Variants in NSG2 observed in about 807,000 individuals in gnomAD.
NSG2 encodes the protein neuronal vesicle trafficking-associated protein 2.
Under a neutral mutation model 16.9 loss-of-function variants are expected in NSG2, and 4 were observed. The observed-to-expected ratio is 0.24, with a 90% CI of 0.12 to 0.54. The LOEUF (loss-of-function observed/expected upper bound fraction) is 0.54. Among genes scored for constraint, NSG2 ranks in the 20% least tolerant of loss-of-function variants. The pLI is 0.95. For missense variants in NSG2, 179 were observed against 221.1 expected (o/e 0.81, Z 1.21); for synonymous variants, 98 against 88.7 (o/e 1.11, Z -0.59).
chr5:174,087,471 G>A (rs1760647123), intron 3 of NSG2, among the ~76,000 whole-genome samples: 1 of 152,122 alleles, frequency 6.6e-6, no homozygotes, highest in Non-Finnish European at 1.5e-5. Context: ...TATAGAGTTG[G>A]TTTTAAAAAT....
chr5:174,091,593 G>A (rs1307182676), intron 3 of NSG2, among the ~76,000 whole-genome samples: 1 of 152,014 alleles, frequency 6.6e-6, no homozygotes, highest in Non-Finnish European at 1.5e-5. Flanking sequence ...GTGGGAGGCC[G>A]TGGGAGGCAT....
intron 2 of NSG2, chr5:174,055,925 C>G (rs66567468): frequency 0.14 from 21,351 of 152,230 alleles, 2,100 homozygotes; most frequent in African/African-American, 0.27. Flanking sequence ...CCTGTGTTCA[C>G]GGCCCAATAC....
At chr5:174,065,703 T>C (rs2113436908) in intron 3 of NSG2, among the ~76,000 whole-genome samples, 1 of 152,202 alleles carries the variant, frequency 6.6e-6, no homozygotes, top group East Asian at 1.9e-4. Flanking sequence ...CTAAAATATT[T>C]AGGAGGCAAA....
At chr5:174,078,088 A>G (rs1581229381) in intron 3 of NSG2, among the ~76,000 whole-genome samples, 1 of 152,158 alleles carries the variant, frequency 6.6e-6, no homozygotes, top group South Asian at 2.1e-4. Context: ...TTTCTATCAC[A>G]CTAGCCACAT....
At chr5:174,100,903 G>C (rs1460769903) in intron 3 of NSG2, among the ~76,000 whole-genome samples, 1 of 152,228 alleles carries the variant, frequency 6.6e-6, no homozygotes, top group Admixed American at 6.5e-5. Flanking sequence ...GGGAGGTCTT[G>C]CCCAGCTCCT....
chr5:174,092,429 C>A (rs1310539087), intron 3 of NSG2, among the ~76,000 whole-genome samples: 1 of 152,218 alleles, frequency 6.6e-6, no homozygotes, highest in African/African-American at 2.4e-5. Context: ...GGGTGGGGCC[C>A]TTGGGCCCTG....
intron 3 of NSG2, among the ~76,000 whole-genome samples, chr5:174,095,510 T>C (rs536221876): frequency 6.6e-6 from 1 of 152,328 alleles, no homozygotes; most frequent in African/African-American, 2.4e-5. Flanking sequence ...CTCTTCTTTC[T>C]GTGGGTCTGT....
intron 2 of NSG2, among the ~76,000 whole-genome samples, chr5:174,058,841 G>A (rs1357512392): frequency 6.6e-6 from 1 of 152,240 alleles, no homozygotes; most frequent in African/African-American, 2.4e-5. Flanking sequence ...GTAGCAGCCT[G>A]AGTTGCTTTT....
intron 1 of NSG2, 198 bp from the exon 2 acceptor site, chr5:174,046,536 T>A: frequency 1.8e-6 from 1 of 551,190 alleles, no homozygotes; most frequent in Non-Finnish European, 3.2e-6. Context: ...CATGGGAAGG[T>A]GGCATATTTT....
chr5:174,075,649 G>T (rs556208440), intron 3 of NSG2, among the ~76,000 whole-genome samples: 133 of 152,334 alleles, frequency 8.7e-4, no homozygotes, highest in African/African-American at 3.0e-3. Context: ...CATGCCACCT[G>T]CTCCGCAATC....
In NSG2 at chr5:174,107,933, G is replaced by A. The variant is rs187319129; in HGVS notation, c.*428G>A. ...CTGTGGGCTTCTTAGATAAGAAAAC[G>A]TAGCTTCAGTGGGGGCTCCAGGGTT... On this transcript the variant is annotated 3_prime_UTR_variant, in exon 5 of 5. Coordinates refer to ENST00000303177, the MANE Select transcript of NSG2 (RefSeq NM_015980.5). The surrounding 1 kb of genome is among the most constrained non-coding windows in gnomAD (Gnocchi z 4.5). The A allele has an allele frequency of 5.8e-4, 213 of 366,626 alleles. 2 individuals carry two copies. The highest frequency in any genetic ancestry group is 4.0e-3 in the African/African-American group (190 of 46,994). 22.7% of individuals were successfully genotyped at this position (366,626 alleles called of 1,614,324 possible). A position where few individuals can be genotyped will look rare whatever the true frequency, so the allele number is the denominator to read the frequency against.
chr5:174,101,940 C>T (rs988384958), intron 3 of NSG2, among the ~76,000 whole-genome samples: 4 of 152,150 alleles, frequency 2.6e-5, no homozygotes, highest in Non-Finnish European at 5.9e-5. Flanking sequence ...CACCTCAGCT[C>T]CACCTCTTGC....
At chr5:174,058,790 C>T (rs1760004356) in intron 2 of NSG2, among the ~76,000 whole-genome samples, 3 of 152,326 alleles carry the variant, frequency 2.0e-5, no homozygotes, top group South Asian at 4.1e-4. Flanking sequence ...GATGGAGTTC[C>T]AAAGAGCTAA....
chr5:174,096,336 G>A (rs1760793610), intron 3 of NSG2, among the ~76,000 whole-genome samples: 2 of 152,190 alleles, frequency 1.3e-5, no homozygotes, highest in African/African-American at 4.8e-5. Context: ...TTGGGGAGGA[G>A]GAGATAGTTG....
At chr5:174,102,941 CT>C (rs143473714) in intron 3 of NSG2, among the ~76,000 whole-genome samples, 13,300 of 111,610 alleles carry the variant, frequency 0.12, 540 homozygotes, top group Middle Eastern at 0.2. Flanking sequence ...ACCACCCTGG[CT>C]TTTTTTTTTT....
At chr5:174,050,307 T>G (rs935715696) in intron 2 of NSG2, among the ~76,000 whole-genome samples, 5 of 152,190 alleles carry the variant, frequency 3.3e-5, no homozygotes, top group African/African-American at 1.2e-4. Flanking sequence ...AAGTATCCTT[T>G]AGTAGTATGA....
At chr5:174,050,286 A>G (rs1759867721) in intron 2 of NSG2, among the ~76,000 whole-genome samples, 1 of 152,222 alleles carries the variant, frequency 6.6e-6, no homozygotes, top group South Asian at 2.1e-4. Context: ...AATACTGAAA[A>G]TCAGTATTCT....
rs1760918715 is a variant in NSG2, at chr5:174,102,758, A to ATTTT, written c.214-1467_214-1466insTTTT. ...AAAAGGGCCATGCTTTGTTTTTTTT[A>ATTTT]TTTATTTATTTATTTATTTATTTAT... On this transcript the variant is annotated intron_variant, in intron 3 of 4. Coordinates refer to ENST00000303177, the MANE Select transcript of NSG2 (RefSeq NM_015980.5). Among the ~76,000 whole-genome samples the ATTTT allele has an allele frequency of 2.5e-5, 3 of 119,640 alleles. No individual in the cohort carries two copies. In the East Asian group the frequency reaches 6.2e-4, roughly 25 times the overall value. The allele number at this position is 119,640 out of a possible 152,430, so 78.5% of individuals were successfully genotyped here.
At chr5:174,094,155 G>A (rs1760761272) in intron 3 of NSG2, among the ~76,000 whole-genome samples, 1 of 152,192 alleles carries the variant, frequency 6.6e-6, no homozygotes, top group South Asian at 2.1e-4. Context: ...TAAGCAGGCT[G>A]TACTCCTTCA....
Sources: allele counts gnomAD v4.1 joint callset (sites outside exome capture counted in the v4.1 genomes callset), GRCh38; gene constraint gnomAD v4.1.1; non-coding constraint Gnocchi (gnomAD v3.1); transcripts MANE v1.5; gene names NCBI Gene and HGNC (gene_info 2026-07-23, HGNC 2026-07-21).